Variants in SOS1 observed in about 807,000 individuals in gnomAD.
SOS1 encodes the protein son of sevenless homolog 1.
A neutral mutation model predicts 157.6 loss-of-function variants in SOS1; 25 were observed. The ratio of observed to expected loss-of-function variants is 0.16; its 90% CI spans 0.12 to 0.22. The LOEUF (loss-of-function observed/expected upper bound fraction) is 0.22, where lower values mean the gene tolerates loss of function less well. Among genes scored for constraint, SOS1 ranks in the 10% least tolerant of loss-of-function variants. SOS1 has a pLI of 1.00. For synonymous variants in SOS1, 528 were observed against 534.0 expected (o/e 0.99, Z 0.16); for missense variants, 1,237 against 1,599.1 (o/e 0.77, Z 3.86).
At chr2:39,039,010 C>A (rs1340032179) in intron 6 of SOS1, among the ~76,000 whole-genome samples, 1 of 152,020 alleles carries the variant, frequency 6.6e-6, no homozygotes, top group African/African-American at 2.4e-5. Flanking sequence ...CTGCCAGTCA[C>A]CCCAACCTTC....
chr2:39,089,424 C>T (rs182372979), intron 1 of SOS1, among the ~76,000 whole-genome samples: 2 of 148,700 alleles, frequency 1.3e-5, no homozygotes, highest in Non-Finnish European at 1.5e-5. Context: ...CCCAGCTACT[C>T]GGGAGGCTGA....
chr2:39,038,749 G>C (rs569879030), intron 6 of SOS1, among the ~76,000 whole-genome samples: 4 of 16,376 alleles, frequency 2.4e-4, no homozygotes, highest in Non-Finnish European at 4.3e-4. Context: ...AAAAAAAAAA[G>C]TCGTTTCTTG....
chr2:39,031,895 ATTAAC>A (rs1389204120), intron 8 of SOS1, among the ~76,000 whole-genome samples: 1 of 152,218 alleles, frequency 6.6e-6, no homozygotes, highest in East Asian at 1.9e-4. Context: ...TCATAAAAAA[ATTAAC>A]TTTAACTTTT....
intron 1 of SOS1, among the ~76,000 whole-genome samples, chr2:39,080,669 T>G (rs1369144300): frequency 3.9e-5 from 6 of 152,140 alleles, no homozygotes; most frequent in Non-Finnish European, 8.8e-5. Context: ...TGCTGAGTAT[T>G]GAGAAAAACA....
At chr2:39,013,066 G>A (rs1359401155) in intron 13 of SOS1, among the ~76,000 whole-genome samples, 1 of 152,128 alleles carries the variant, frequency 6.6e-6, no homozygotes, top group Non-Finnish European at 1.5e-5. Context: ...ATTAGTGGCA[G>A]TGTTAGACAT....
At chr2:39,117,830 G>C (rs939454606) in intron 1 of SOS1, among the ~76,000 whole-genome samples, 3 of 152,180 alleles carry the variant, frequency 2.0e-5, no homozygotes, top group African/African-American at 7.2e-5. Context: ...AGTGTGCACA[G>C]TAATACAAAG....
rs1673866326 is a variant in SOS1, at chr2:39,120,987, C to T, written c.-565G>A. 1.7e-5 allele frequency: 3 copies of T among 176,050 alleles called. No homozygotes were observed. The highest frequency in any genetic ancestry group is 2.6e-4 in the South Asian group (2 of 7,766). The allele number at this position is 176,050 out of a possible 1,614,324, so 10.9% of individuals were successfully genotyped here. On this transcript the variant is annotated 5_prime_UTR_variant, in exon 1 of 23. Transcript: ENST00000402219. ...CCCTGAGGTGCCGCCGCGGCCGCCG[C>T]CGCCACCGCCGCCGCCGGTGTAGCG...
intron 1 of SOS1, among the ~76,000 whole-genome samples, chr2:39,096,613 C>T (rs1186699488): frequency 2.0e-5 from 3 of 152,146 alleles, no homozygotes; most frequent in Non-Finnish European, 4.4e-5. Flanking sequence ...TGGCCGGGCA[C>T]GGTGGTCCAC....
intron 1 of SOS1, among the ~76,000 whole-genome samples, chr2:39,100,296 A>T (rs1672918634): frequency 6.6e-6 from 1 of 152,154 alleles, no homozygotes; most frequent in Non-Finnish European, 1.5e-5. Context: ...CTACCATATG[A>T]CCTAGCTGGG....
chr2:39,092,334 T>C (rs1572886738), intron 1 of SOS1, among the ~76,000 whole-genome samples: 1 of 152,166 alleles, frequency 6.6e-6, no homozygotes, highest in East Asian at 1.9e-4. Flanking sequence ...TGCTTCAAGA[T>C]CTTACACTAA....
At chr2:38,990,867 T>C (rs992009751) in intron 20 of SOS1, among the ~76,000 whole-genome samples, 2 of 152,202 alleles carry the variant, frequency 1.3e-5, no homozygotes, top group Non-Finnish European at 2.9e-5. Flanking sequence ...GAATTTTACA[T>C]GCACTAATCA....
intron 8 of SOS1, among the ~76,000 whole-genome samples, chr2:39,024,660 G>A (rs567426137): frequency 2.0e-5 from 3 of 152,142 alleles, no homozygotes; most frequent in South Asian, 2.1e-4. Flanking sequence ...TGACCTTGGG[G>A]CAAGTCACTT....
intron 1 of SOS1, among the ~76,000 whole-genome samples, chr2:39,100,560 T>A (rs1282904657): frequency 6.6e-6 from 1 of 152,030 alleles, no homozygotes; most frequent in Non-Finnish European, 1.5e-5. Flanking sequence ...AGCCAGACAC[T>A]GAAAGAAAAT....
In SOS1 at chr2:39,005,695, A is replaced by C. The variant is rs561128833; in HGVS notation, c.2791+717T>G. On this transcript the variant is annotated intron_variant, in intron 17 of 22. Coordinates refer to ENST00000402219, the MANE Select transcript of SOS1 (RefSeq NM_005633.4). ...ATTGTTATATGCAGTGGGATTTAAA[A>C]CTATATAAAAAATATAGATGAGGAA... 1.5e-4 allele frequency among the ~76,000 whole-genome samples: 23 copies of C among 152,174 alleles called. No homozygotes were observed. The South Asian group carries it at 4.8e-3, about 32-fold the overall frequency.
intron 10 of SOS1, among the ~76,000 whole-genome samples, chr2:39,020,191 T>C (rs2124531252): frequency 6.6e-6 from 1 of 151,690 alleles, no homozygotes; most frequent in East Asian, 1.9e-4. Flanking sequence ...AAGTGAAGGC[T>C]TGGGCATCTC....
At chr2:39,098,594 T>C (rs1672856199) in intron 1 of SOS1, 1 of 152,572 alleles carries the variant, frequency 6.6e-6, no homozygotes, top group Non-Finnish European at 1.5e-5. Context: ...ACATTCAGAA[T>C]ATATAAAAAA....
chr2:39,046,808 A>G (rs1205151365), intron 6 of SOS1, among the ~76,000 whole-genome samples: 3 of 152,104 alleles, frequency 2.0e-5, no homozygotes, highest in Admixed American at 6.5e-5. Context: ...ACATCTACCA[A>G]TTTCTTTTTC....
At chr2:39,077,025 A>G (rs1672028907) in intron 1 of SOS1, among the ~76,000 whole-genome samples, 1 of 152,218 alleles carries the variant, frequency 6.6e-6, no homozygotes, top group Non-Finnish European at 1.5e-5. Context: ...AATAATTAGG[A>G]AAATAATCTT....
chr2:39,064,973 T>C (rs1671545550), intron 2 of SOS1, among the ~76,000 whole-genome samples: 1 of 151,444 alleles, frequency 6.6e-6, no homozygotes. Flanking sequence ...AACCAGGCTG[T>C]TCTCAAACTC....
Sources: gnomAD v4.1 joint callset for allele counts (sites outside exome capture counted in the v4.1 genomes callset) on GRCh38, gnomAD v4.1.1 for gene constraint, MANE v1.5 for transcripts, NCBI Gene and HGNC (gene_info 2026-07-23, HGNC 2026-07-21) for gene names.